Variants in ROBO2 observed in about 807,000 individuals in gnomAD.
ROBO2 encodes roundabout homolog 2.
ROBO2 carries 53 observed loss-of-function variants against 160.8 expected under a neutral mutation model. The observed-to-expected ratio is 0.33, with a 90% confidence interval of 0.26 to 0.41. The LOEUF is 0.41. ROBO2 is among the 10% of genes least tolerant of loss of function. The probability of loss-of-function intolerance (pLI) is 1.00; values close to 1 mark genes in which losing one functional copy is unlikely to be tolerated. For missense variants in ROBO2, 1,577 were observed against 1,722.4 expected (o/e 0.92, Z 1.49); for synonymous variants, 664 against 611.7 (o/e 1.09, Z -1.26).
chr3:77,051,645 G>T (rs2065237942), intron 1 of ROBO2, among the ~76,000 whole-genome samples: 1 of 152,172 alleles, frequency 6.6e-6, no homozygotes, highest in East Asian at 1.9e-4. Flanking sequence ...CACATGACAT[G>T]CAAATAAAAT....
intron 2 of ROBO2, among the ~76,000 whole-genome samples, chr3:77,175,394 G>A (rs1383615138): frequency 6.6e-6 from 1 of 151,996 alleles, no homozygotes; most frequent in Non-Finnish European, 1.5e-5. Flanking sequence ...AATAGGAACA[G>A]AAATGTAGAT....
intron 2 of ROBO2, among the ~76,000 whole-genome samples, chr3:77,132,009 T>G (rs921145581): frequency 6.6e-6 from 1 of 152,144 alleles, no homozygotes; most frequent in Non-Finnish European, 1.5e-5. Context: ...TGAATTCATT[T>G]GAAATCAGTC....
chr3:77,445,004 G>T (rs1392730125), intron 2 of ROBO2, among the ~76,000 whole-genome samples: 1 of 152,128 alleles, frequency 6.6e-6, no homozygotes, highest in Non-Finnish European at 1.5e-5. Context: ...TCTTGAAATG[G>T]CGTATGGCTC....
chr3:77,048,011 C>T (rs996773597), intron 1 of ROBO2, among the ~76,000 whole-genome samples: 3 of 152,016 alleles, frequency 2.0e-5, no homozygotes, highest in Admixed American at 6.5e-5. Context: ...CGCGCCACTG[C>T]ACTCCAGCCT....
intron 2 of ROBO2, among the ~76,000 whole-genome samples, chr3:77,428,282 TAATACATAAAATGTA>T (rs1262120491): frequency 2.6e-5 from 4 of 151,638 alleles, no homozygotes; most frequent in Non-Finnish European, 4.4e-5. Context: ...ATTTGGCCTG[TAATACATAAAATGTA>T]ATATTTTGTG....
At chr3:76,926,729 TA>T (rs2077014879) in intron 2 of ROBO2, among the ~76,000 whole-genome samples, 1 of 152,158 alleles carries the variant, frequency 6.6e-6, no homozygotes, top group African/African-American at 2.4e-5. Context: ...TTGATTAGTT[TA>T]AAAATGTCAA....
chr3:76,444,505 C>T (rs1480631780), intron 2 of ROBO2, among the ~76,000 whole-genome samples: 4 of 152,054 alleles, frequency 2.6e-5, no homozygotes, highest in African/African-American at 9.7e-5. Context: ...CCTCAGGAAA[C>T]CTACAATCAT....
rs144797653 is a variant in ROBO2, at chr3:76,338,087, G to T, written c.109+400485G>T. Among the ~76,000 whole-genome samples the T allele has an allele frequency of 3.4e-3, 510 of 152,232 alleles. 6 individuals carry two copies. The highest frequency in any genetic ancestry group is 0.024 in the Admixed American group (371 of 15,290). On this transcript the variant is annotated intron_variant, in intron 2 of 26. Coordinates refer to the ROBO2 transcript ENST00000487694. Reference sequence around the variant, plus strand: ...GAAATATTTGACATAGGGGGAAAAAGTGCCTAATAGCTTCTAGTACATGTA... The same window carrying T: ...GAAATATTTGACATAGGGGGAAAAATTGCCTAATAGCTTCTAGTACATGTA...
chr3:77,277,361 G>A (rs1253800452), intron 2 of ROBO2, among the ~76,000 whole-genome samples: 1 of 151,724 alleles, frequency 6.6e-6, no homozygotes, highest in South Asian at 2.1e-4. Context: ...ATAGGTAAAT[G>A]TGTGCCATGG....
intron 2 of ROBO2, among the ~76,000 whole-genome samples, chr3:76,362,887 G>A (rs1262155885): frequency 6.6e-6 from 1 of 151,998 alleles, no homozygotes; most frequent in Non-Finnish European, 1.5e-5. Flanking sequence ...AAACTGTTAC[G>A]CCAGTCACTC....
rs190550609 is a variant in ROBO2 at position 77,475,343 on chromosome 3, A to G, written c.389-2071A>G. Among the ~76,000 whole-genome samples, 321 of 152,228 alleles carry G rather than the reference A, an allele frequency of 2.1e-3. 10 individuals carry two copies. Among genetic ancestry groups the G allele is most frequent in the Admixed American group, 0.021 (316 of 15,298 alleles). On this transcript the variant is annotated intron_variant, in intron 2 of 25. Coordinates refer to ENST00000461745, the Ensembl canonical transcript of ROBO2. ...CCTTTTTGTTGAATGCCATAAGCAC[A>G]TGTTTTATTGTTGAAGAGTACCAGT... is the stretch of plus-strand genomic sequence containing the variant.
intron 2 of ROBO2, among the ~76,000 whole-genome samples, chr3:77,198,092 T>G (rs1201863947): frequency 2.0e-5 from 3 of 152,220 alleles, no homozygotes; most frequent in African/African-American, 4.8e-5. Context: ...AATATTTGAT[T>G]GAATAAGTGA....
At chr3:76,227,901 C>T (rs1045863809) in intron 2 of ROBO2, among the ~76,000 whole-genome samples, 3 of 152,150 alleles carry the variant, frequency 2.0e-5, no homozygotes, top group African/African-American at 7.2e-5. Context: ...TATCTACAAA[C>T]CCAAGCCTAA....
chr3:77,447,275 T>C (rs1030840768), intron 2 of ROBO2, among the ~76,000 whole-genome samples: 2 of 152,234 alleles, frequency 1.3e-5, no homozygotes, highest in South Asian at 2.1e-4. Flanking sequence ...ACTAATATTT[T>C]GGATACAACT....
At chr3:77,412,123 C>T (rs1031754206) in intron 2 of ROBO2, among the ~76,000 whole-genome samples, 2 of 148,332 alleles carry the variant, frequency 1.3e-5, no homozygotes, top group African/African-American at 2.4e-5. Context: ...AAATACCAGG[C>T]GGTTCTAAAA....
chr3:76,468,615 T>C (rs1004342656), intron 2 of ROBO2, among the ~76,000 whole-genome samples: 2 of 152,088 alleles, frequency 1.3e-5, no homozygotes, highest in Non-Finnish European at 2.9e-5. Context: ...TTTCCTGCTA[T>C]GTTCAACAAT....
At chr3:76,939,305 T>C (rs1275911062) in intron 2 of ROBO2, among the ~76,000 whole-genome samples, 2 of 152,234 alleles carry the variant, frequency 1.3e-5, no homozygotes, top group Non-Finnish European at 2.9e-5. Context: ...AAAGCAGGCA[T>C]GTTTATTCTC....
At chr3:77,534,062 T>C (rs972283492) in intron 6 of ROBO2, among the ~76,000 whole-genome samples, 2 of 152,158 alleles carry the variant, frequency 1.3e-5, no homozygotes, top group Non-Finnish European at 2.9e-5. Context: ...GTGCAACTGG[T>C]ATTGATAAAG....
rs145506382 is a variant in ROBO2 at position 77,346,204 on chromosome 3, A to G, written c.389-131210A>G. 2.2e-4 allele frequency among the ~76,000 whole-genome samples: 34 copies of G among 152,232 alleles called. No individual in the cohort carries two copies. In the East Asian group the frequency reaches 6.4e-3, roughly 29 times the overall value. On this transcript the variant is annotated intron_variant, in intron 2 of 25. Transcript: ENST00000461745. ...CTTGCATTTAGTGTATTTAGAATGA[A>G]TTGCTTAGTATATTTTAAATATTTG...
Sources: allele counts gnomAD v4.1 joint callset (sites outside exome capture counted in the v4.1 genomes callset), GRCh38; gene constraint gnomAD v4.1.1; transcripts MANE v1.5; gene names NCBI Gene and HGNC (gene_info 2026-07-23, HGNC 2026-07-21).